The following LUC7L3 variants were observed in gnomAD, a reference collection of about 807,000 sequenced individuals.
LUC7L3 encodes LUC7 like 3 pre-mRNA splicing factor.
Under a neutral mutation model 66.8 loss-of-function variants are expected in LUC7L3, and 6 were observed. The ratio of observed to expected loss-of-function variants is 0.09; its 90% CI spans 0.05 to 0.18. The LOEUF (loss-of-function observed/expected upper bound fraction) is 0.18, where lower values mean the gene tolerates loss of function less well. LUC7L3 is among the 10% of genes least tolerant of loss of function. The pLI, the probability that LUC7L3 is intolerant of heterozygous loss-of-function variation, is 1.00. For synonymous variants in LUC7L3, 160 were observed against 174.7 expected, an observed-to-expected ratio of 0.92 and a Z score of 0.66; for missense variants, 341 against 531.1, an observed-to-expected ratio of 0.64 and a Z score of 3.52.
At chr17:50,719,927 G>A in intron 1 of LUC7L3, 96 bp downstream of exon 1, 1 of 1,123,198 alleles carries the variant, frequency 8.9e-7, no homozygotes, top group Non-Finnish European at 1.2e-6. Flanking sequence ...ATGTGGCCAG[G>A]GCCGCACCCG....
At chr17:50,734,302 G>C (rs1969838243) in intron 1 of LUC7L3, among the ~76,000 whole-genome samples, 1 of 151,910 alleles carries the variant, frequency 6.6e-6, no homozygotes, top group Non-Finnish European at 1.5e-5. Flanking sequence ...CGAGTAGTTG[G>C]GATTATAGGC....
intron 1 of LUC7L3, among the ~76,000 whole-genome samples, chr17:50,735,413 G>A (rs1293883982): frequency 6.6e-6 from 1 of 152,078 alleles, no homozygotes; most frequent in Non-Finnish European, 1.5e-5. Context: ...GTCCTGTCTA[G>A]AAAGAACTTT....
At position 50,751,906 on chromosome 17, in the gene LUC7L3, G is replaced by A. The variant is rs902650807; in HGVS notation, c.*1245G>A. On this transcript the variant is annotated 3_prime_UTR_variant, in exon 10 of 10. Transcript: ENST00000505658. ...AAACTTCATTCTGTGGGCTAGTGGT[G>A]TGGGACAAAATATTCCTAATGAAAG... The A allele has an allele frequency of 7.8e-6, 8 of 1,028,086 alleles. No homozygotes were observed. Among genetic ancestry groups the A allele is most frequent in the Non-Finnish European group, 7.0e-6 (6 of 855,480 alleles). The allele number at this position is 1,028,086 out of a possible 1,614,324, so 63.7% of individuals were successfully genotyped here. A position where few individuals can be genotyped will look rare whatever the true frequency, so the allele number is the denominator to read the frequency against.
At chr17:50,737,499 TGA>T (rs904989997) in intron 2 of LUC7L3, 1 of 302,920 alleles carries the variant, frequency 3.3e-6, no homozygotes, top group African/African-American at 2.2e-5. Context: ...AAGGCAGGGT[TGA>T]GTCATGGGGC....
intron 9 of LUC7L3, among the ~76,000 whole-genome samples, chr17:50,750,082 T>C (rs899859370): frequency 5.9e-5 from 9 of 152,194 alleles, no homozygotes; most frequent in African/African-American, 9.6e-5. Flanking sequence ...ATGCCTGTTA[T>C]AAACATTCAA....
Position 50,728,247 on chromosome 17 carries a change from A to G in LUC7L3, c.99+8416A>G, listed in dbSNP as rs1435239835. Reference sequence around the variant, plus strand: ...TGGCTGCTGTGGAAGATTGATTGAAATTTTACTAGAAGTTTGTGTAGGCAA... The same window carrying G: ...TGGCTGCTGTGGAAGATTGATTGAAGTTTTACTAGAAGTTTGTGTAGGCAA... On this transcript the variant is annotated intron_variant, in intron 1 of 9. Transcript: ENST00000505658. 2.0e-5 allele frequency among the ~76,000 whole-genome samples: 3 copies of G among 152,196 alleles called. No individual in the cohort carries two copies. In the South Asian group the frequency reaches 6.2e-4, roughly 31 times the overall value.
chr17:50,745,632 G>C lies in LUC7L3; in HGVS notation c.694-88G>C, dbSNP rs970670190. 4.2e-6 allele frequency: 4 copies of C among 957,724 alleles called. No homozygotes were observed. The Admixed American group carries it at 1.0e-4, about 24-fold the overall frequency. 59.3% of individuals were successfully genotyped at this position (957,724 alleles called of 1,614,324 possible). A position where few individuals can be genotyped will look rare whatever the true frequency, so the allele number is the denominator to read the frequency against. On this transcript the variant is annotated intron_variant, in intron 7 of 9. Coordinates refer to ENST00000505658, the MANE Select transcript of LUC7L3 (RefSeq NM_016424.5). ...CTTAAGGGCATCAATTCCATAAGTT[G>C]GTCTACAGATAACTTCACATTAGTT... is the stretch of plus-strand genomic sequence containing the variant.
In LUC7L3 at chr17:50,746,570, C is replaced by G; in HGVS notation, c.1006C>G (p.His336Asp). The G allele has an allele frequency of 6.2e-7, 1 of 1,613,850 alleles. No individual in the cohort carries two copies. Residue 336 changes from histidine to aspartate, a missense_variant, in exon 9 of 10, where the codon CAT (histidine) becomes GAT (aspartate). Around this residue, in one of 6 missense-constraint regions of LUC7L3, gnomAD observed 210 missense variants for 238.1 expected, o/e 0.88. Coordinates refer to ENST00000505658, the MANE Select transcript of LUC7L3 (RefSeq NM_016424.5). ...RSRDRRRSRS[H>D]DRSERKHRSR... ...TAGAGATCGACGAAGAAGCAGAAGC[C>G]ATGATCGATCAGAAAGAAAACACAG...
rs532643797 is a variant in LUC7L3 at position 50,740,457 on chromosome 17, C to A, written c.206+112C>A. On this transcript the variant is annotated intron_variant, in intron 3 of 9. Transcript: ENST00000505658. ...GTAAAATGAGTGTCTGAGAGAAGTCCAGTCAGTGGCTGGGGATAGTAAGAA... is the reference window on the plus strand; with the variant it reads ...GTAAAATGAGTGTCTGAGAGAAGTCAAGTCAGTGGCTGGGGATAGTAAGAA... The A allele has an allele frequency of 1.9e-5, 18 of 970,176 alleles. No homozygotes were observed. The East Asian group carries it at 4.3e-4, about 23-fold the overall frequency. 60.1% of individuals were successfully genotyped at this position (970,176 alleles called of 1,614,324 possible). A position where few individuals can be genotyped will look rare whatever the true frequency, so the allele number is the denominator to read the frequency against.
At chr17:50,744,526 A>C in intron 6 of LUC7L3, 126 bp from the exon 7 acceptor site, 1 of 838,766 alleles carries the variant, frequency 1.2e-6, no homozygotes, top group Non-Finnish European at 1.8e-6. Flanking sequence ...GTCCAATATT[A>C]CTGATTTGGG....
At chr17:50,729,894 CATTATATATATATATATATA>C (rs1969448029) in intron 1 of LUC7L3, among the ~76,000 whole-genome samples, 1 of 103,290 alleles carries the variant, frequency 9.7e-6, no homozygotes, top group Non-Finnish European at 1.8e-5. Flanking sequence ...AATATAAATA[CATTATATATATATATATATA>C]TATATATATA....
chr17:50,740,493 C>T (rs1970281781), intron 3 of LUC7L3, 148 bp downstream of exon 3: 1 of 694,638 alleles, frequency 1.4e-6, no homozygotes, highest in African/African-American at 1.8e-5. Context: ...AGTTCTATAG[C>T]TTCAGTAATG....
chr17:50,724,478 G>T (rs1252158719), intron 1 of LUC7L3, among the ~76,000 whole-genome samples: 2 of 151,918 alleles, frequency 1.3e-5, no homozygotes, highest in Non-Finnish European at 2.9e-5. Context: ...CCGAGATGGT[G>T]CCACCACAGT....
At chr17:50,747,242 TTTTTTG>T (rs1970733132) in intron 9 of LUC7L3, among the ~76,000 whole-genome samples, 1 of 92,620 alleles carries the variant, frequency 1.1e-5, no homozygotes, top group Non-Finnish European at 1.9e-5. Flanking sequence ...CTTTTTTTTT[TTTTTTG>T]GTGTGGCATC....
At chr17:50,743,297 C>T (rs1032896192) in intron 5 of LUC7L3, among the ~76,000 whole-genome samples, 18 of 152,076 alleles carry the variant, frequency 1.2e-4, no homozygotes, top group Admixed American at 3.3e-4. Context: ...CTCCTGGGTT[C>T]AAGCAATTCT....
intron 9 of LUC7L3, chr17:50,749,223 GAAGAT>G: frequency 7.8e-7 from 1 of 1,289,124 alleles, no homozygotes; most frequent in South Asian, 1.2e-5. Flanking sequence ...ACATAGGGCA[GAAGAT>G]AAGATTATTG....
chr17:50,719,793 G>A lies in LUC7L3; in HGVS notation c.61G>A (p.Asp21Asn). The change falls in exon 1 of 10, where the codon GAC (aspartate) becomes AAC (asparagine). Residue 21 changes from aspartate (D) to asparagine (N), a missense_variant. Asp to Asn is a conservative substitution (Grantham distance 23, BLOSUM62 1). This residue lies in a region of LUC7L3 where 9 missense variants were observed against 37.9 expected (regional missense o/e 0.24). Coordinates refer to ENST00000505658, the MANE Select transcript of LUC7L3 (RefSeq NM_016424.5). Reference protein sequence around the residue: ...LMGRDRNLAPDEKRSNVRWDH... With the variant: ...LMGRDRNLAPNEKRSNVRWDH... Reference sequence around the variant, plus strand: ...GGGCCGGGACCGAAACCTAGCCCCGGACGAGAAGCGCAGCAACGTGCGGTG... The same window carrying A: ...GGGCCGGGACCGAAACCTAGCCCCGAACGAGAAGCGCAGCAACGTGCGGTG... 4 of 1,612,588 alleles carry A rather than the reference G, an allele frequency of 2.5e-6. No individual in the cohort carries two copies. Among genetic ancestry groups the A allele is most frequent in the Non-Finnish European group, 3.4e-6 (4 of 1,179,388 alleles).
chr17:50,735,260 T>C (rs535466554), intron 1 of LUC7L3, among the ~76,000 whole-genome samples: 16 of 142,136 alleles, frequency 1.1e-4, no homozygotes, highest in Admixed American at 7.6e-4. Context: ...AAAAAAACTT[T>C]CGTGTCTGTG....
chr17:50,729,705 TAC>T, intron 1 of LUC7L3, among the ~76,000 whole-genome samples: 1 of 152,128 alleles, frequency 6.6e-6, no homozygotes, highest in East Asian at 1.9e-4. Flanking sequence ...TGCAGACTCC[TAC>T]ACAGTTAGCC....
Sources: gnomAD v4.1 joint callset for allele counts (sites outside exome capture counted in the v4.1 genomes callset) on GRCh38, gnomAD v4.1.1 for gene constraint, gnomAD v4.1.1 regional missense constraint, MANE v1.5 for transcripts, NCBI Gene and HGNC (gene_info 2026-07-23, HGNC 2026-07-21) for gene names.